GABRQ: variants seen among roughly 807,000 people sequenced by gnomAD.
GABRQ encodes gamma-aminobutyric acid receptor subunit theta.
In GABRQ, 19 loss-of-function variants were observed where a neutral mutation model predicts 30.5. That is an observed-to-expected ratio of 0.62 (90% CI 0.43 to 0.91). The LOEUF is 0.91. Ranked by LOEUF, GABRQ falls within the 40% of genes least tolerant of loss-of-function variation. GABRQ has a pLI of 0.00. For missense variants in GABRQ, 520 were observed against 521.4 expected (o/e 1.00, Z 0.03); for synonymous variants, 187 against 210.2 (o/e 0.89, Z 0.95).
chrX:152,641,986 G>A (rs1930769175), intron 2 of GABRQ, among the ~76,000 whole-genome samples: 1 of 111,729 alleles, frequency 9.0e-6, no homozygotes, highest in South Asian at 3.8e-4. Context: ...AGGCATCCAG[G>A]ACCGGGGGAG....
In GABRQ at chrX:152,654,102, G is replaced by A. The variant is rs879991666; in HGVS notation, c.*821G>A. ...CTTGCCTATATTTCTGCTTCAGAAC[G>A]CTTGGCAATAGAGACTCAATACATC... On this transcript the variant is annotated 3_prime_UTR_variant, in exon 9 of 9. Transcript: ENST00000598523. The A allele has an allele frequency of 8.9e-6, 1 of 111,799 alleles. No homozygotes were observed. Among genetic ancestry groups the A allele is most frequent in the East Asian group, 2.8e-4 (1 of 3,544 alleles). 9.2% of individuals were successfully genotyped at this position (111,799 alleles called of 1,213,427 possible). A position where few individuals can be genotyped will look rare whatever the true frequency, so the allele number is the denominator to read the frequency against.
At position 152,652,635 on chromosome X, in the gene GABRQ, C is replaced by T. The variant is rs782168254; in HGVS notation, c.1253C>T (p.Thr418Met). 8 of 1,209,951 alleles carry T rather than the reference C, an allele frequency of 6.6e-6. No individual in the cohort carries two copies. In the East Asian group the frequency reaches 1.5e-4, roughly 22 times the overall value. ...AGCCCGGAAAGCCTCGGTTCTTTGA[C>T]GTCCACCTCCGAGCAGGCCCAGCTG... ...LASPESLGSL[T>M]STSEQAQLAT... Residue 418 changes from threonine to methionine, a missense_variant, in exon 9 of 9, where the codon ACG becomes ATG. Coordinates refer to ENST00000598523, the MANE Select transcript of GABRQ (RefSeq NM_018558.4).
intron 1 of GABRQ, among the ~76,000 whole-genome samples, chrX:152,640,104 A>G (rs781925826): frequency 9.1e-6 from 1 of 110,424 alleles, no homozygotes; most frequent in Admixed American, 9.6e-5. Context: ...GTCAACCCCT[A>G]CAAGTCCTGC....
intron 2 of GABRQ, among the ~76,000 whole-genome samples, chrX:152,643,027 C>G (rs1930794444): frequency 8.9e-6 from 1 of 112,339 alleles, no homozygotes; most frequent in African/African-American, 3.2e-5. Flanking sequence ...CCTAGCCCTT[C>G]GGGGTCGCCA....
intron 3 of GABRQ, 130 bp downstream of exon 3, chrX:152,645,724 A>G (rs1309342453): frequency 2.2e-6 from 1 of 448,912 alleles, no homozygotes; most frequent in Non-Finnish European, 3.9e-6. Flanking sequence ...GGTTTGGGAC[A>G]CTGCAGCCAT....
At chrX:152,645,331 A>G (rs1556819043) in intron 2 of GABRQ, among the ~76,000 whole-genome samples, 196 bp from the exon 3 acceptor site, 2 of 111,893 alleles carry the variant, frequency 1.8e-5, no homozygotes, top group African/African-American at 6.5e-5. Context: ...GCCTTGCTCT[A>G]ACTATGAGAT....
intron 3 of GABRQ, 46 bp downstream of exon 3, chrX:152,645,640 G>A (rs782197823): frequency 4.0e-6 from 3 of 742,975 alleles, no homozygotes; most frequent in Admixed American, 2.2e-5. Context: ...AGAGGACATG[G>A]AACAAGCAGC....
At chrX:152,657,849 T>C (rs1556821322), downstream of GABRQ, among the ~76,000 whole-genome samples, 1 of 112,609 alleles carries the variant, frequency 8.9e-6, no homozygotes, top group Non-Finnish European at 1.9e-5. Flanking sequence ...TTCAATTTTA[T>C]AGGGGGAGAG....
rs1931029714 is a variant in GABRQ, at chrX:152,651,789, C to T, written c.1158+7C>T. On this transcript the variant is annotated splice_region_variant and intron_variant, in intron 8 of 8. Coordinates refer to ENST00000598523, the MANE Select transcript of GABRQ (RefSeq NM_018558.4). ...GGTGGTAGGAAACGTGCAGGTTTGA[C>T]TTTTTGACTGACAATCAGCTTTCCC... The T allele has an allele frequency of 8.3e-7, 1 of 1,205,870 alleles. No individual in the cohort carries two copies.
Position 152,650,536 on chromosome X carries a change from C to G in GABRQ, c.857C>G (p.Ser286Trp), listed in dbSNP as rs782134457. ...TVLTTITSWI[S>W]FWMNYDSSAA... ...CTCACCACTATTACCTCTTGGATAT[C>G]GTTTTGGATGAACTATGATTCCTCT... is the stretch of plus-strand genomic sequence containing the variant. Residue 286 changes from serine to tryptophan, a missense_variant, in exon 7 of 9, where the codon TCG (serine) becomes TGG (tryptophan). Physicochemically the swap from Ser to Trp is radical, Grantham distance 177. Transcript: ENST00000598523. 11 of 1,204,625 alleles carry G rather than the reference C, an allele frequency of 9.1e-6. No homozygotes were observed. The highest frequency in any genetic ancestry group is 1.2e-5 in the Non-Finnish European group (11 of 889,474).
intron 2 of GABRQ, among the ~76,000 whole-genome samples, chrX:152,641,006 C>G (rs1024568928): frequency 1.8e-4 from 20 of 111,079 alleles, no homozygotes; most frequent in African/African-American, 6.6e-4. Context: ...TCTTTCTAAA[C>G]CCAGCCGGAT....
In GABRQ at chrX:152,655,946, T is replaced by C. The variant is rs1008761501; in HGVS notation, c.*2665T>C. On this transcript the variant is annotated 3_prime_UTR_variant, in exon 9 of 9. Transcript: ENST00000598523. ...TTGTAAATATCTCTATAGATCCATA[T>C]AGCTAGATATAATACTATACCTTAA... The C allele has an allele frequency of 3.6e-5, 4 of 112,245 alleles. No individual in the cohort carries two copies. The highest frequency in any genetic ancestry group is 9.7e-5 in the African/African-American group (3 of 30,888). 9.3% of individuals were successfully genotyped at this position (112,245 alleles called of 1,213,427 possible).
At position 152,638,061 on chromosome X, in the gene GABRQ, C is replaced by T. The variant is rs1290401662; in HGVS notation, c.-142C>T. 3.9e-6 allele frequency: 2 copies of T among 513,901 alleles called. No individual in the cohort carries two copies. The highest frequency in any genetic ancestry group is 4.1e-5 in the Admixed American group (1 of 24,678). The allele number at this position is 513,901 out of a possible 1,213,427, so 42.4% of individuals were successfully genotyped here. A position where few individuals can be genotyped will look rare whatever the true frequency, so the allele number is the denominator to read the frequency against. On this transcript the variant is annotated 5_prime_UTR_variant, in exon 1 of 9. Coordinates refer to ENST00000598523, the MANE Select transcript of GABRQ (RefSeq NM_018558.4). ...CCCTACTTCCCTTGCCCTCGCTGCT[C>T]TCTCCTTAGAGGCGACTCTTTGGGG...
intron 3 of GABRQ, 130 bp from the exon 4 acceptor site, chrX:152,646,818 T>C (rs1200584867): frequency 2.1e-6 from 1 of 485,122 alleles, no homozygotes; most frequent in Non-Finnish European, 3.7e-6. Context: ...CGCACTTGTA[T>C]ATAGTTATGA....
chrX:152,650,401 C>G (rs782075030), intron 6 of GABRQ, 27 bp from the exon 7 acceptor site: 3 of 1,192,615 alleles, frequency 2.5e-6, no homozygotes, highest in African/African-American at 3.5e-5. Flanking sequence ...GCCCTGCCAC[C>G]CTAATTCCAG....
At position 152,655,777 on chromosome X, in the gene GABRQ, C is replaced by T. The variant is rs1931137914; in HGVS notation, c.*2496C>T. The T allele has an allele frequency of 9.0e-6, 1 of 111,617 alleles. No homozygotes were observed. Among genetic ancestry groups the T allele is most frequent in the Non-Finnish European group, 1.9e-5 (1 of 53,148 alleles). The allele number at this position is 111,617 out of a possible 1,213,427, so 9.2% of individuals were successfully genotyped here. On this transcript the variant is annotated 3_prime_UTR_variant, in exon 9 of 9. Coordinates refer to ENST00000598523, the MANE Select transcript of GABRQ (RefSeq NM_018558.4). ...GTCTCCAGCACCCTGGAGGTGCTTTCAACCCTGTGGTGGCAAGCAGTTCAT... is the reference window on the plus strand; with the variant it reads ...GTCTCCAGCACCCTGGAGGTGCTTTTAACCCTGTGGTGGCAAGCAGTTCAT...
At chrX:152,658,830 T>A (rs1187100898), downstream of GABRQ, among the ~76,000 whole-genome samples, 2 of 111,705 alleles carry the variant, frequency 1.8e-5, no homozygotes, top group African/African-American at 3.3e-5. Flanking sequence ...TTACTCTAGG[T>A]TGGTATGGGC....
rs1415903236 is a variant in GABRQ, at chrX:152,656,450, A to G, written c.*3169A>G. ...TCCCTTCTTTGCCACTATCATGGGA[A>G]GGACACCCCTGTCTGTCTTTCTGAA... On this transcript the variant is annotated 3_prime_UTR_variant, in exon 9 of 9. Transcript: ENST00000598523. The G allele has an allele frequency of 2.7e-5, 3 of 112,111 alleles. No homozygotes were observed. Among genetic ancestry groups the G allele is most frequent in the African/African-American group, 9.7e-5 (3 of 30,815 alleles). The allele number at this position is 112,111 out of a possible 1,213,427, so 9.2% of individuals were successfully genotyped here. A position where few individuals can be genotyped will look rare whatever the true frequency, so the allele number is the denominator to read the frequency against.
intron 3 of GABRQ, among the ~76,000 whole-genome samples, chrX:152,646,724 T>C (rs1434145496): frequency 8.9e-6 from 1 of 112,043 alleles, no homozygotes; most frequent in Non-Finnish European, 1.9e-5. Context: ...GGTTTGAAAG[T>C]TATTGGTAAT....
Sources: allele counts gnomAD v4.1 joint callset (sites outside exome capture counted in the v4.1 genomes callset), GRCh38; gene constraint gnomAD v4.1.1; transcripts MANE v1.5; gene names NCBI Gene and HGNC (gene_info 2026-07-23, HGNC 2026-07-21).